NCKAP5: variants seen among roughly 807,000 people sequenced by gnomAD.
NCKAP5 encodes nck-associated protein 5.
NCKAP5 carries 92 observed loss-of-function variants against 167.0 expected under a neutral mutation model. The ratio of observed to expected loss-of-function variants is 0.55; its 90% confidence interval spans 0.47 to 0.66. The LOEUF (loss-of-function observed/expected upper bound fraction) is 0.66. Ranked by LOEUF, NCKAP5 falls within the 30% of genes least tolerant of loss-of-function variation. NCKAP5 has a pLI of 0.00. For synonymous variants in NCKAP5, 891 were observed against 877.4 expected (o/e 1.02, Z -0.27); for missense variants, 2,378 against 2,315.0 (o/e 1.03, Z -0.56).
chr2:133,115,632 T>C (rs1172629258), intron 6 of NCKAP5, among the ~76,000 whole-genome samples: 2 of 151,720 alleles, frequency 1.3e-5, no homozygotes, highest in African/African-American at 4.8e-5. Flanking sequence ...TCTCTCTTTC[T>C]ATTTAAAGTT....
chr2:132,695,862 A>C (rs1375555542), intron 19 of NCKAP5, among the ~76,000 whole-genome samples: 1 of 152,006 alleles, frequency 6.6e-6, no homozygotes, highest in African/African-American at 2.4e-5. Flanking sequence ...ATTTATTTTA[A>C]CTCTAAAAAC....
intron 11 of NCKAP5, among the ~76,000 whole-genome samples, chr2:132,802,400 T>C (rs572621256): frequency 2.0e-5 from 3 of 152,350 alleles, no homozygotes; most frequent in Non-Finnish European, 4.4e-5. Context: ...AGAGCTGTTC[T>C]CACCTCACAG....
At chr2:133,488,037 G>C (rs1681067484) in intron 3 of NCKAP5, among the ~76,000 whole-genome samples, 1 of 151,936 alleles carries the variant, frequency 6.6e-6, no homozygotes, top group Non-Finnish European at 1.5e-5. Flanking sequence ...TGTGACCTTT[G>C]GTATATACCT....
the NCKAP5 span, among the ~76,000 whole-genome samples, chr2:133,659,885 G>A: frequency 1.3e-5 from 2 of 151,920 alleles, no homozygotes; most frequent in African/African-American, 4.8e-5. Flanking sequence ...GTTTTAAAAT[G>A]CATATTATAT....
chr2:133,250,174 A>AATGAACAG (rs980762039), intron 4 of NCKAP5, among the ~76,000 whole-genome samples: 1 of 152,072 alleles, frequency 6.6e-6, no homozygotes, highest in African/African-American at 2.4e-5. Context: ...GTTTTGTTTC[A>AATGAACAG]ATGAACAGAT....
At chr2:133,170,718 T>C (rs368910271) in intron 5 of NCKAP5, among the ~76,000 whole-genome samples, 2 of 152,226 alleles carry the variant, frequency 1.3e-5, no homozygotes, top group East Asian at 3.8e-4. Flanking sequence ...TTCACAGCAA[T>C]GGCGATGGGA....
In NCKAP5 at chr2:132,800,513, T is replaced by C. The variant is rs1418300404; in HGVS notation, c.808-3784A>G. Among the ~76,000 whole-genome samples the C allele has an allele frequency of 2.0e-5, 3 of 152,194 alleles. No homozygotes were observed. In the East Asian group the frequency reaches 5.8e-4, roughly 29 times the overall value. ...ATTTCACACATTTTCAAACCAGAGGTAAGTGAGGGATCTTTTTACTCATAT... is the reference window on the plus strand; with the variant it reads ...ATTTCACACATTTTCAAACCAGAGGCAAGTGAGGGATCTTTTTACTCATAT... On this transcript the variant is annotated intron_variant, in intron 11 of 19. Coordinates refer to ENST00000409261, the MANE Select transcript of NCKAP5 (RefSeq NM_207363.3).
chr2:132,725,785 A>G, intron 18 of NCKAP5, 26 bp from the exon 19 acceptor site: 3 of 1,609,306 alleles, frequency 1.9e-6, no homozygotes, highest in Non-Finnish European at 2.5e-6. Context: ...GAGACTGTTA[A>G]GATAATTCAT....
chr2:133,322,977 A>G (rs1462559338), intron 3 of NCKAP5, among the ~76,000 whole-genome samples: 2 of 152,220 alleles, frequency 1.3e-5, no homozygotes, highest in African/African-American at 2.4e-5. Flanking sequence ...GAACTACTAG[A>G]CTGGTCTTTA....
intron 5 of NCKAP5, among the ~76,000 whole-genome samples, chr2:133,202,316 G>T (rs1408647780): frequency 6.6e-6 from 1 of 152,102 alleles, no homozygotes; most frequent in Non-Finnish European, 1.5e-5. Flanking sequence ...AATGGTGCTG[G>T]GAAAACTGGC....
chr2:132,688,853 G>A (rs1390614082), intron 19 of NCKAP5, among the ~76,000 whole-genome samples: 5 of 151,820 alleles, frequency 3.3e-5, no homozygotes, highest in Non-Finnish European at 7.4e-5. Flanking sequence ...GAGTGTGGTG[G>A]CAGGCACCTG....
intron 8 of NCKAP5, among the ~76,000 whole-genome samples, chr2:132,952,327 G>A (rs1271657905): frequency 1.3e-5 from 2 of 152,114 alleles, no homozygotes; most frequent in Admixed American, 1.3e-4. Context: ...ACACAAATCT[G>A]AGCCATGCAA....
chr2:133,372,641 T>G (rs1039330756), intron 3 of NCKAP5, among the ~76,000 whole-genome samples: 1 of 152,222 alleles, frequency 6.6e-6, no homozygotes, highest in African/African-American at 2.4e-5. Context: ...CAAAAGCACC[T>G]TGGTAATGCT....
At chr2:132,774,136 T>A (rs984852575) in intron 15 of NCKAP5, among the ~76,000 whole-genome samples, 1 of 152,326 alleles carries the variant, frequency 6.6e-6, no homozygotes, top group East Asian at 1.9e-4. Context: ...TTTTCAGACA[T>A]ATAACCTCAT....
At chr2:133,485,387 C>T (rs1352882584) in intron 3 of NCKAP5, among the ~76,000 whole-genome samples, 1 of 152,082 alleles carries the variant, frequency 6.6e-6, no homozygotes, top group Admixed American at 6.6e-5. Flanking sequence ...TACCCATTAG[C>T]ATGAAACTGA....
chr2:133,108,886 TA>T (rs1382115204), intron 6 of NCKAP5, among the ~76,000 whole-genome samples: 1 of 152,256 alleles, frequency 6.6e-6, no homozygotes. Flanking sequence ...TTAATGATAA[TA>T]TTCCATTGTG....
chr2:132,742,350 C>T (rs1484398563), intron 16 of NCKAP5, among the ~76,000 whole-genome samples: 4 of 151,692 alleles, frequency 2.6e-5, no homozygotes, highest in East Asian at 1.9e-4. Flanking sequence ...GGTACAATGC[C>T]GCAGGAAGAG....
chr2:133,626,020 A>G, the NCKAP5 span, among the ~76,000 whole-genome samples: 1 of 152,210 alleles, frequency 6.6e-6, no homozygotes, highest in Non-Finnish European at 1.5e-5. Flanking sequence ...CATTTTTAAA[A>G]CTATTAAACA....
chr2:133,130,077 C>G lies in NCKAP5; in HGVS notation c.242G>C (p.Arg81Thr). Residue 81 changes from arginine to threonine, a missense_variant, in exon 6 of 20, where the codon AGA (arginine) becomes ACA (threonine). Arg to Thr is a moderately conservative substitution (Grantham distance 71). Around this residue, in one of 3 missense-constraint regions of NCKAP5, gnomAD observed 1,049 missense variants for 1,023.4 expected, o/e 1.02. Coordinates refer to ENST00000409261, the MANE Select transcript of NCKAP5 (RefSeq NM_207363.3). ...CTTCTCGCTTTGAAGACGTAAGTGT[C>G]TCTCCTCTTCCAGTTCATGTATCAG... ...EKLIHELEEE[R>T]HLRLQSEKRL... 1 of 1,611,682 alleles carries G rather than the reference C, an allele frequency of 6.2e-7. No homozygotes were observed. Among genetic ancestry groups the G allele is most frequent in the Non-Finnish European group, 8.5e-7 (1 of 1,179,126 alleles).
Sources: allele counts gnomAD v4.1 joint callset (sites outside exome capture counted in the v4.1 genomes callset), GRCh38; gene constraint gnomAD v4.1.1; regional missense constraint gnomAD v4.1.1; transcripts MANE v1.5; gene names NCBI Gene and HGNC (gene_info 2026-07-23, HGNC 2026-07-21).